Variants in PCDH11X observed in about 807,000 individuals in gnomAD.
The protein encoded by PCDH11X is protocadherin-11 X-linked.
In PCDH11X, 18 loss-of-function variants were observed where a neutral mutation model predicts 53.3. The ratio of observed to expected loss-of-function variants is 0.34; its 90% CI spans 0.23 to 0.50. PCDH11X has a LOEUF of 0.50. PCDH11X is among the 20% of genes least tolerant of loss of function. The pLI, the probability that PCDH11X is intolerant of heterozygous loss-of-function variation, is 0.98. For missense variants in PCDH11X, 570 were observed against 1,032.4 expected, an observed-to-expected ratio of 0.55 and a Z score of 6.14; for synonymous variants, 279 against 393.3, an observed-to-expected ratio of 0.71 and a Z score of 3.44.
At chrX:92,293,758 A>G (rs1342033922) in intron 8 of PCDH11X, among the ~76,000 whole-genome samples, 18 of 111,328 alleles carry the variant, frequency 1.6e-4, no homozygotes, top group African/African-American at 5.6e-4. Flanking sequence ...GAATTGAAGG[A>G]CATTCTATAA....
chrX:91,887,405 T>C (rs1940282436), intron 6 of PCDH11X, among the ~76,000 whole-genome samples: 1 of 111,273 alleles, frequency 9.0e-6, no homozygotes, highest in Non-Finnish European at 1.9e-5. Context: ...ATATAATTAG[T>C]ATTTTTAGAA....
chrX:92,514,844 G>C (rs760895544), intron 10 of PCDH11X, among the ~76,000 whole-genome samples: 4 of 108,804 alleles, frequency 3.7e-5, no homozygotes, highest in African/African-American at 1.3e-4. Context: ...TCAGGAGATC[G>C]AGACCATCCT....
chrX:92,212,006 C>CTTTTTTTTT (rs56939635), intron 7 of PCDH11X, among the ~76,000 whole-genome samples: 3 of 64,598 alleles, frequency 4.6e-5, no homozygotes, highest in African/African-American at 6.4e-5. Flanking sequence ...ACTTGCAATG[C>CTTTTTTTTT]TTTTTTTTTT....
chrX:92,252,984 A>G (rs924492977), intron 7 of PCDH11X, among the ~76,000 whole-genome samples: 1 of 111,223 alleles, frequency 9.0e-6, no homozygotes, highest in Non-Finnish European at 1.9e-5. Flanking sequence ...AATACACAAG[A>G]AAGATGTACT....
At chrX:91,985,102 G>A (rs2147934074) in intron 6 of PCDH11X, among the ~76,000 whole-genome samples, 1 of 112,354 alleles carries the variant, frequency 8.9e-6, no homozygotes, top group Admixed American at 9.4e-5. Context: ...ACATAAAGCA[G>A]TGTTGCTATG....
At chrX:91,834,588 T>C in intron 4 of PCDH11X, 1 of 110,231 alleles carries the variant, frequency 9.1e-6, no homozygotes, top group Middle Eastern at 4.6e-3. Flanking sequence ...TCTTCTAGTC[T>C]AACTCTCCCA....
intron 10 of PCDH11X, among the ~76,000 whole-genome samples, chrX:92,538,945 G>A (rs1265596009): frequency 2.4e-5 from 2 of 82,601 alleles, no homozygotes; most frequent in African/African-American, 8.8e-5. Context: ...TTAGCATTTC[G>A]TGTAAGACAG....
chrX:92,113,161 G>T, intron 6 of PCDH11X: 1 of 990,804 alleles, frequency 1.0e-6, no homozygotes, highest in Non-Finnish European at 1.3e-6. Context: ...CTATCCCTTG[G>T]CTCCCTTCCT....
At chrX:92,377,152 A>G (rs1193769712) in intron 8 of PCDH11X, among the ~76,000 whole-genome samples, 1 of 111,929 alleles carries the variant, frequency 8.9e-6, no homozygotes, top group Non-Finnish European at 1.9e-5. Context: ...GACCTACTGT[A>G]TCTTGTAGGA....
intron 10 of PCDH11X, among the ~76,000 whole-genome samples, chrX:92,501,563 G>A (rs946041261): frequency 9.0e-6 from 1 of 111,707 alleles, no homozygotes; most frequent in Non-Finnish European, 1.9e-5. Flanking sequence ...GGGATTCAAG[G>A]CTGGCTCAAC....
intron 6 of PCDH11X, among the ~76,000 whole-genome samples, chrX:92,135,763 G>A (rs868436144): frequency 9.4e-6 from 1 of 106,175 alleles, no homozygotes. Context: ...ATGTTTGTGT[G>A]TGTGTGTGTG....
intron 7 of PCDH11X, among the ~76,000 whole-genome samples, chrX:92,232,056 C>T (rs1209259620): frequency 5.4e-5 from 6 of 111,683 alleles, no homozygotes; most frequent in Non-Finnish European, 1.1e-4. Context: ...AGTTTTGTGA[C>T]GAAAGAGAGA....
intron 10 of PCDH11X, among the ~76,000 whole-genome samples, chrX:92,482,687 A>T (rs1292831443): frequency 9.1e-6 from 1 of 109,591 alleles, no homozygotes; most frequent in Admixed American, 9.8e-5. Context: ...ATATTTTAAA[A>T]CTTCAGTGAA....
rs1035871702 is a variant in PCDH11X, at chrX:92,594,504, T to A, written c.3368-23760T>A. 4.6e-5 allele frequency among the ~76,000 whole-genome samples: 5 copies of A among 109,077 alleles called. No homozygotes were observed. In the Admixed American group the frequency reaches 5.0e-4, roughly 11 times the overall value. The allele number at this position is 109,077 out of a possible 115,157, so 94.7% of individuals were successfully genotyped here. On this transcript the variant is annotated intron_variant, in intron 10 of 10. Transcript: ENST00000682573. ...TGTAATTCTGATATGTCTCAGTATA[T>A]GTTTTTAGTAATAATTATGATTGTT...
intron 6 of PCDH11X, among the ~76,000 whole-genome samples, chrX:91,923,806 C>T (rs1189624484): frequency 9.0e-6 from 1 of 111,176 alleles, no homozygotes; most frequent in Non-Finnish European, 1.9e-5. Flanking sequence ...AAACCAAATA[C>T]CACATGTTCT....
chrX:92,200,985 C>T (rs2066381298), intron 6 of PCDH11X, among the ~76,000 whole-genome samples: 1 of 109,792 alleles, frequency 9.1e-6, no homozygotes, highest in African/African-American at 3.3e-5. Flanking sequence ...AATCATAGCT[C>T]ACTGCAGCCT....
chrX:92,284,074 A>G (rs888428171), intron 8 of PCDH11X, among the ~76,000 whole-genome samples: 1 of 107,452 alleles, frequency 9.3e-6, no homozygotes, highest in Non-Finnish European at 1.9e-5. Flanking sequence ...ATTTTTCCTA[A>G]TAAAATTCAA....
At chrX:92,310,233 A>G (rs1268641415) in intron 8 of PCDH11X, among the ~76,000 whole-genome samples, 1 of 112,248 alleles carries the variant, frequency 8.9e-6, no homozygotes, top group African/African-American at 3.2e-5. Flanking sequence ...AATGCAGACC[A>G]GTAAAGAGAT....
At chrX:91,855,311 A>G (rs1015066162) in intron 5 of PCDH11X, among the ~76,000 whole-genome samples, 9 of 111,335 alleles carry the variant, frequency 8.1e-5, no homozygotes, top group African/African-American at 3.0e-4. Flanking sequence ...TCACTGTAGT[A>G]GTGAGGATTT....
Sources: allele counts gnomAD v4.1 joint callset (sites outside exome capture counted in the v4.1 genomes callset), GRCh38; gene constraint gnomAD v4.1.1; transcripts MANE v1.5; gene names NCBI Gene and HGNC (gene_info 2026-07-23, HGNC 2026-07-21).